Variants in ELMO1 observed in about 807,000 individuals in gnomAD.
The protein encoded by ELMO1 is engulfment and cell motility 1, also known as engulfment and cell motility protein 1.
In ELMO1, 26 loss-of-function variants were observed where a neutral mutation model predicts 98.9. That is an observed-to-expected ratio of 0.26 (90% CI 0.19 to 0.36). The LOEUF (loss-of-function observed/expected upper bound fraction) is 0.36. Among genes scored for constraint, ELMO1 ranks in the 10% least tolerant of loss-of-function variants. The pLI is 1.00. For missense variants in ELMO1, 627 were observed against 935.2 expected, an observed-to-expected ratio of 0.67 and a Z score of 4.30; for synonymous variants, 346 against 346.0, an observed-to-expected ratio of 1.00 and a Z score of 0.00.
chr7:37,153,721 G>C (rs974259921), intron 13 of ELMO1, among the ~76,000 whole-genome samples: 5 of 152,190 alleles, frequency 3.3e-5, no homozygotes, highest in African/African-American at 1.2e-4. Context: ...ACCTCTGGAG[G>C]CAGGGCGTAT....
intron 5 of ELMO1, among the ~76,000 whole-genome samples, chr7:37,264,441 C>T (rs567527092): frequency 3.9e-5 from 6 of 152,172 alleles, no homozygotes; most frequent in Admixed American, 3.3e-4. Flanking sequence ...ATATTCTAAA[C>T]AATTTTCTTT....
chr7:37,444,424 A>G (rs1805527574), intron 1 of ELMO1, among the ~76,000 whole-genome samples: 1 of 152,254 alleles, frequency 6.6e-6, no homozygotes, highest in African/African-American at 2.4e-5. Flanking sequence ...GCCTTTCTGC[A>G]TCACTAAAGT....
At chr7:37,243,239 G>C (rs1047385969) in intron 7 of ELMO1, among the ~76,000 whole-genome samples, 1 of 152,130 alleles carries the variant, frequency 6.6e-6, no homozygotes, top group Non-Finnish European at 1.5e-5. Flanking sequence ...TGGCTTCAGG[G>C]CCCCAAATTC....
chr7:37,436,610 A>G (rs1268956527), intron 1 of ELMO1, among the ~76,000 whole-genome samples: 1 of 152,242 alleles, frequency 6.6e-6, no homozygotes, highest in Non-Finnish European at 1.5e-5. Flanking sequence ...AGCTGTTACT[A>G]AGTGACTGTT....
intron 4 of ELMO1, among the ~76,000 whole-genome samples, chr7:37,301,529 G>A (rs868407884): frequency 6.6e-6 from 1 of 151,988 alleles, no homozygotes; most frequent in Non-Finnish European, 1.5e-5. Flanking sequence ...CATTCCCAGA[G>A]ACAGTAAAGA....
rs2129040418 is a variant in ELMO1, at chr7:36,870,788, A to T, written c.1823-313T>A. Among the ~76,000 whole-genome samples, 1 of 152,372 alleles carries T rather than the reference A, an allele frequency of 6.6e-6. No individual in the cohort carries two copies. The highest frequency in any genetic ancestry group is 2.1e-4 in the South Asian group (1 of 4,828). ...TGTTTGAAGTCATGGCATTAGAAGC[A>T]GCAGTAGAAATAACAGTGATTGTAA... On this transcript the variant is annotated intron_variant, in intron 19 of 21. Transcript: ENST00000310758. The surrounding 1 kb of genome is among the most constrained non-coding windows in gnomAD (Gnocchi z 4.4).
rs1791011419 is a variant in ELMO1 at position 37,183,526 on chromosome 7, GA to G, written c.1086+27859del. 2.7e-5 allele frequency among the ~76,000 whole-genome samples: 4 copies of G among 149,042 alleles called. No individual in the cohort carries two copies. In the South Asian group the frequency reaches 8.8e-4, roughly 33 times the overall value. On this transcript the variant is annotated intron_variant, in intron 13 of 21. Coordinates refer to ENST00000310758, the MANE Select transcript of ELMO1 (RefSeq NM_014800.11). Reference sequence around the variant, plus strand: ...CAGGGGAAGAGATAAGAAAGGCCTAGAAAAGCTGACCTCCTGTTACTCAGGA... The same window carrying G: ...CAGGGGAAGAGATAAGAAAGGCCTAGAAAGCTGACCTCCTGTTACTCAGGA...
chr7:37,038,583 C>A (rs901618453), intron 15 of ELMO1, among the ~76,000 whole-genome samples: 1 of 152,172 alleles, frequency 6.6e-6, no homozygotes, highest in African/African-American at 2.4e-5. Context: ...TTCTCAGTAG[C>A]AGAGCCTGGA....
chr7:37,405,268 C>T (rs1803709681), intron 1 of ELMO1, among the ~76,000 whole-genome samples: 1 of 152,148 alleles, frequency 6.6e-6, no homozygotes, highest in Non-Finnish European at 1.5e-5. Flanking sequence ...TATTGCAGGT[C>T]CCAGCCCTTG....
rs573053101 is a variant in ELMO1 at position 37,258,461 on chromosome 7, G to GAGAGAGAT, written c.413+712_413+719dup. Among the ~76,000 whole-genome samples the GAGAGAGAT allele has an allele frequency of 1.2e-3, 177 of 152,056 alleles. 1 individual carries two copies. Among genetic ancestry groups the GAGAGAGAT allele is most frequent in the African/African-American group, 3.7e-3 (152 of 41,480 alleles). On this transcript the variant is annotated intron_variant, in intron 6 of 21. Coordinates refer to ENST00000310758, the MANE Select transcript of ELMO1 (RefSeq NM_014800.11). ...CAAATAAAAAAAAATAAGAGAGAGA[G>GAGAGAGAT]AGAGAGATAATGGGTCCGCCCTCTA... is the stretch of plus-strand genomic sequence containing the variant.
intron 1 of ELMO1, among the ~76,000 whole-genome samples, chr7:37,446,908 T>C (rs1007674712): frequency 8.5e-5 from 13 of 152,136 alleles, no homozygotes; most frequent in African/African-American, 2.7e-4. Context: ...AAATGTACAA[T>C]AATAAAGAGT....
At chr7:37,159,245 T>C (rs1004817324) in intron 13 of ELMO1, among the ~76,000 whole-genome samples, 2 of 152,314 alleles carry the variant, frequency 1.3e-5, no homozygotes, top group South Asian at 2.1e-4. Context: ...GGTACATGTA[T>C]ACCTATGTAG....
chr7:37,040,001 A>C (rs890474085), intron 15 of ELMO1, among the ~76,000 whole-genome samples: 1 of 152,214 alleles, frequency 6.6e-6, no homozygotes, highest in African/African-American at 2.4e-5. Flanking sequence ...AATGTTGTCC[A>C]GTAGGCTTTC....
chr7:37,146,301 G>A (rs767866276), intron 13 of ELMO1, among the ~76,000 whole-genome samples: 1 of 152,176 alleles, frequency 6.6e-6, no homozygotes, highest in East Asian at 1.9e-4. Flanking sequence ...CCAAGAATGT[G>A]CATTCATACA....
intron 16 of ELMO1, among the ~76,000 whole-genome samples, chr7:36,904,030 A>T (rs573747379): frequency 6.6e-6 from 1 of 152,358 alleles, no homozygotes; most frequent in African/African-American, 2.4e-5. Flanking sequence ...TGTGGAGGGC[A>T]TCAGGCTACC....
intron 14 of ELMO1, among the ~76,000 whole-genome samples, chr7:37,097,002 T>G (rs952986386): frequency 6.6e-6 from 1 of 152,226 alleles, no homozygotes; most frequent in African/African-American, 2.4e-5. Flanking sequence ...TGTTTTGGAA[T>G]AGTACAATAA....
intron 1 of ELMO1, among the ~76,000 whole-genome samples, chr7:37,427,165 T>C (rs532022104): frequency 1.3e-5 from 2 of 152,268 alleles, no homozygotes; most frequent in South Asian, 2.1e-4. Context: ...ACATCAGAGA[T>C]CACAGAAGGT....
intron 16 of ELMO1, among the ~76,000 whole-genome samples, chr7:36,941,443 G>A (rs1787027611): frequency 6.6e-6 from 1 of 152,168 alleles, no homozygotes; most frequent in Non-Finnish European, 1.5e-5. Flanking sequence ...ATGAGATAAA[G>A]GAAAGGATTC....
intron 15 of ELMO1, among the ~76,000 whole-genome samples, chr7:37,060,180 GT>G (rs1796594226): frequency 6.6e-6 from 1 of 152,226 alleles, no homozygotes; most frequent in Admixed American, 6.5e-5. Context: ...CAAAGTGAAA[GT>G]TTAATCATGT....
Sources: allele counts gnomAD v4.1 joint callset (sites outside exome capture counted in the v4.1 genomes callset), GRCh38; gene constraint gnomAD v4.1.1; non-coding constraint Gnocchi (gnomAD v3.1); transcripts MANE v1.5; gene names NCBI Gene and HGNC (gene_info 2026-07-23, HGNC 2026-07-21).